Variants in FAM13B observed in about 807,000 individuals in gnomAD.
FAM13B encodes family with sequence similarity 13 member B.
Under a neutral mutation model 117.3 loss-of-function variants are expected in FAM13B, and 60 were observed. The ratio of observed to expected loss-of-function variants is 0.51; its 90% CI spans 0.42 to 0.63. The LOEUF is 0.63. Ranked by LOEUF, FAM13B falls within the 30% of genes least tolerant of loss-of-function variation. FAM13B has a pLI of 0.00. For missense variants in FAM13B, 972 were observed against 1,091.9 expected (o/e 0.89, Z 1.55); for synonymous variants, 332 against 356.1 (o/e 0.93, Z 0.76).
At chr5:138,006,576 A>G (rs994516252) in intron 7 of FAM13B, among the ~76,000 whole-genome samples, 9 of 152,194 alleles carry the variant, frequency 5.9e-5, no homozygotes, top group African/African-American at 2.2e-4. Flanking sequence ...TTTGTACATG[A>G]AAAGAATTGG....
chr5:137,951,047 A>C (rs1402937554), intron 17 of FAM13B, among the ~76,000 whole-genome samples: 1 of 151,974 alleles, frequency 6.6e-6, no homozygotes, highest in Non-Finnish European at 1.5e-5. Flanking sequence ...ATCTCTACTA[A>C]GAATACAAAA....
At chr5:137,995,241 A>G (rs1425553650) in intron 7 of FAM13B, among the ~76,000 whole-genome samples, 1 of 152,214 alleles carries the variant, frequency 6.6e-6, no homozygotes, top group African/African-American at 2.4e-5. Context: ...GAGGTACCCA[A>G]TCAAGAGTCT....
At chr5:137,988,143 C>G (rs1242124716) in intron 8 of FAM13B, 131 bp downstream of exon 8, 1 of 540,024 alleles carries the variant, frequency 1.9e-6, no homozygotes, top group Non-Finnish European at 3.2e-6. Context: ...TATCACAGTA[C>G]ATAAAAAACT....
At chr5:137,958,901 G>A (rs185718910) in intron 13 of FAM13B, among the ~76,000 whole-genome samples, 2 of 152,070 alleles carry the variant, frequency 1.3e-5, no homozygotes, top group South Asian at 2.1e-4. Context: ...GTAAACTGCA[G>A]GTATCAGTAA....
chr5:137,939,873 A>G lies in FAM13B; in HGVS notation c.*352T>C, dbSNP rs1761128261. On this transcript the variant is annotated 3_prime_UTR_variant, in exon 24 of 24. Coordinates refer to ENST00000689681, the MANE Select transcript of FAM13B (RefSeq NM_001385994.1). The stretch of plus-strand genomic sequence containing the variant: ...AATTTTCTTCAGTAATGAGAAACAA[A>G]AAGTTGGTAATAACAAAAAGCTTGC... The G allele has an allele frequency of 5.3e-6, 7 of 1,331,510 alleles. No homozygotes were observed. Among genetic ancestry groups the G allele is most frequent in the Non-Finnish European group, 4.8e-6 (5 of 1,044,338 alleles). 82.5% of individuals were successfully genotyped at this position (1,331,510 alleles called of 1,614,324 possible).
At chr5:137,960,898 T>G (rs959946416) in intron 11 of FAM13B, among the ~76,000 whole-genome samples, 30 of 152,334 alleles carry the variant, frequency 2.0e-4, no homozygotes, top group African/African-American at 7.0e-4. Flanking sequence ...CAGTAGATTA[T>G]CAATATGCCT....
At chr5:137,944,245 C>T (rs552494172) in intron 20 of FAM13B, among the ~76,000 whole-genome samples, 20 of 152,246 alleles carry the variant, frequency 1.3e-4, no homozygotes, top group African/African-American at 4.3e-4. Flanking sequence ...CGGGTTACCA[C>T]ATCTTATTTA....
chr5:137,981,892 T>C (rs911593773), intron 10 of FAM13B, among the ~76,000 whole-genome samples: 1 of 151,642 alleles, frequency 6.6e-6, no homozygotes, highest in Non-Finnish European at 1.5e-5. Flanking sequence ...AAACAGACAG[T>C]GATGAGGAGA....
chr5:137,966,480 T>TAGAG (rs1452687913), intron 10 of FAM13B, among the ~76,000 whole-genome samples: 71 of 59,048 alleles, frequency 1.2e-3, no homozygotes, highest in Middle Eastern at 8.3e-3. Context: ...TATATATATA[T>TAGAG]ATATATATAG....
intron 7 of FAM13B, among the ~76,000 whole-genome samples, chr5:138,006,749 T>C (rs1465405499): frequency 6.6e-6 from 1 of 152,214 alleles, no homozygotes; most frequent in Non-Finnish European, 1.5e-5. Flanking sequence ...AATAAGCTAA[T>C]ACAAAACCAA....
intron 12 of FAM13B, 70 bp from the exon 13 acceptor site, chr5:137,959,833 G>C: frequency 1.4e-6 from 2 of 1,459,376 alleles, no homozygotes; most frequent in Non-Finnish European, 1.9e-6. Flanking sequence ...AACACATCCA[G>C]CACATATCCA....
Position 137,971,836 on chromosome 5 carries a change from G to C in FAM13B, c.1180-9367C>G, listed in dbSNP as rs997258279. On this transcript the variant is annotated intron_variant, in intron 10 of 23. Transcript: ENST00000689681. Reference sequence around the variant, plus strand: ...CCATCAGAGAATACTACAAACACCTGTATGCAAATAAACTAGAAAATCTAG... The same window carrying C: ...CCATCAGAGAATACTACAAACACCTCTATGCAAATAAACTAGAAAATCTAG... Among the ~76,000 whole-genome samples the C allele has an allele frequency of 3.5e-4, 53 of 152,002 alleles. 1 individual carries two copies. The South Asian group carries it at 4.2e-3, about 12-fold the overall frequency.
At position 138,003,150 on chromosome 5, in the gene FAM13B, A is replaced by G. The variant is rs578087714; in HGVS notation, c.848+3840T>C. 1.1e-4 allele frequency among the ~76,000 whole-genome samples: 16 copies of G among 152,322 alleles called. No homozygotes were observed. In the South Asian group the frequency reaches 3.1e-3, roughly 30 times the overall value. ...TCAAGCAGTAATAACAACCGTAAAA[A>G]TAAGTTGCCAAATGAATGTAAAACT... is the stretch of plus-strand genomic sequence containing the variant. On this transcript the variant is annotated intron_variant, in intron 7 of 23. Transcript: ENST00000689681.
In FAM13B at chr5:137,973,289, C is replaced by T. The variant is rs542498788; in HGVS notation, c.1180-10820G>A. 5.9e-5 allele frequency among the ~76,000 whole-genome samples: 9 copies of T among 152,216 alleles called. No individual in the cohort carries two copies. In the South Asian group the frequency reaches 1.7e-3, roughly 28 times the overall value. ...TAGATCAATGGAACAGAACATAGCCCTCAGAAATAATGCTGCATATCTACA... is the reference window on the plus strand; with the variant it reads ...TAGATCAATGGAACAGAACATAGCCTTCAGAAATAATGCTGCATATCTACA... On this transcript the variant is annotated intron_variant, in intron 10 of 23. Coordinates refer to ENST00000689681, the MANE Select transcript of FAM13B (RefSeq NM_001385994.1).
chr5:137,966,869 T>C (rs1236297794), intron 10 of FAM13B, among the ~76,000 whole-genome samples: 2 of 152,150 alleles, frequency 1.3e-5, no homozygotes, highest in Non-Finnish European at 2.9e-5. Context: ...TGGCATTTCA[T>C]ATTGGTGGGA....
In FAM13B at chr5:138,032,972, C is replaced by G; in HGVS notation, c.-393G>C. The G allele has an allele frequency of 1.0e-6, 1 of 986,448 alleles. No individual in the cohort carries two copies. Among genetic ancestry groups the G allele is most frequent in the East Asian group, 1.1e-4 (1 of 8,830 alleles). The allele number at this position is 986,448 out of a possible 1,614,324, so 61.1% of individuals were successfully genotyped here. Reference sequence around the variant, plus strand: ...AGCCCGGTAAGCGACCCCCCGGATACCCCCGGCGGTGGTGGCGACGCAGAC... The same window carrying G: ...AGCCCGGTAAGCGACCCCCCGGATAGCCCCGGCGGTGGTGGCGACGCAGAC... On this transcript the variant is annotated 5_prime_UTR_variant, in exon 1 of 24. Coordinates refer to ENST00000689681, the MANE Select transcript of FAM13B (RefSeq NM_001385994.1).
At chr5:137,999,687 C>T (rs919828339) in intron 7 of FAM13B, among the ~76,000 whole-genome samples, 4 of 152,162 alleles carry the variant, frequency 2.6e-5, no homozygotes, top group Admixed American at 1.3e-4. Flanking sequence ...TAACAAAATG[C>T]CATACACTAG....
intron 10 of FAM13B, among the ~76,000 whole-genome samples, chr5:137,973,715 G>A (rs1414789787): frequency 6.8e-6 from 1 of 147,674 alleles, no homozygotes; most frequent in South Asian, 2.2e-4. Context: ...TCTGACAAAG[G>A]GCTAATATCC....
At chr5:137,978,308 A>T (rs1774626247) in intron 10 of FAM13B, among the ~76,000 whole-genome samples, 1 of 152,054 alleles carries the variant, frequency 6.6e-6, no homozygotes, top group Non-Finnish European at 1.5e-5. Flanking sequence ...CTTAGGAAAG[A>T]GTCCTAGATT....
Sources: allele counts gnomAD v4.1 joint callset (sites outside exome capture counted in the v4.1 genomes callset), GRCh38; gene constraint gnomAD v4.1.1; transcripts MANE v1.5; gene names NCBI Gene and HGNC (gene_info 2026-07-23, HGNC 2026-07-21).